The following LRRC37A2 variants were observed in gnomAD, a reference collection of about 807,000 sequenced individuals.
LRRC37A2 encodes the protein leucine-rich repeat-containing protein 37A2.
Under a neutral mutation model 68.8 loss-of-function variants are expected in LRRC37A2, and 9 were observed. That is an observed-to-expected ratio of 0.13 (90% CI 0.08 to 0.23). The LOEUF (loss-of-function observed/expected upper bound fraction) is 0.23. Ranked by LOEUF, LRRC37A2 falls within the 10% of genes least tolerant of loss-of-function variation. The probability of loss-of-function intolerance (pLI) is 1.00; values close to 1 mark genes in which losing one functional copy is unlikely to be tolerated. For synonymous variants in LRRC37A2, 63 were observed against 367.6 expected, an observed-to-expected ratio of 0.17 and a Z score of 9.48; for missense variants, 168 against 950.4, an observed-to-expected ratio of 0.18 and a Z score of 10.82.
chr17:46,758,523 C>T, the LRRC37A2 span, among the ~76,000 whole-genome samples: 1 of 152,120 alleles, frequency 6.6e-6, no homozygotes, highest in East Asian at 1.9e-4. Context: ...TGTTAACCGG[C>T]TATTTTTTTG....
chr17:47,000,063 T>TAAAATAAAATAAATAAAATAAA, the LRRC37A2 span, among the ~76,000 whole-genome samples: 3 of 17,726 alleles, frequency 1.7e-4, no homozygotes, highest in South Asian at 5.7e-3. Flanking sequence ...TAAAATAAAA[T>TAAAATAAAATAAATAAAATAAA]TAAAATAAAA....
chr17:46,784,684 G>A, the LRRC37A2 span, among the ~76,000 whole-genome samples: 1 of 152,036 alleles, frequency 6.6e-6, no homozygotes, highest in Admixed American at 6.6e-5. Flanking sequence ...TCCATATTCC[G>A]GACGAGGTCC....
At chr17:46,747,382 G>A in the LRRC37A2 span, among the ~76,000 whole-genome samples, 5 of 152,270 alleles carry the variant, frequency 3.3e-5, no homozygotes, top group Middle Eastern at 3.4e-3. Context: ...CTTGGCTCAA[G>A]CGATCTGCTC....
chr17:46,888,422 T>C, the LRRC37A2 span, among the ~76,000 whole-genome samples: 1 of 152,174 alleles, frequency 6.6e-6, no homozygotes, highest in African/African-American at 2.4e-5. Context: ...GTTGCTGTCA[T>C]TGGCAGAGGC....
At chr17:47,033,649 T>C in the LRRC37A2 span, among the ~76,000 whole-genome samples, 1 of 152,244 alleles carries the variant, frequency 6.6e-6, no homozygotes, top group Admixed American at 6.5e-5. Context: ...TCCAGTCCTT[T>C]CATCTCTCTC....
At chr17:46,792,625 C>T in the LRRC37A2 span, among the ~76,000 whole-genome samples, 7 of 152,010 alleles carry the variant, frequency 4.6e-5, no homozygotes, top group East Asian at 1.3e-3. Context: ...AGGTGCATGC[C>T]ACCACACCTG....
At chr17:46,598,914 T>A in the LRRC37A2 span, among the ~76,000 whole-genome samples, 5 of 143,092 alleles carry the variant, frequency 3.5e-5, no homozygotes, top group African/African-American at 1.3e-4. Flanking sequence ...TCTGCAGTCT[T>A]ACATGCAGTA....
chr17:46,944,185 G>A, the LRRC37A2 span, among the ~76,000 whole-genome samples: 3 of 152,230 alleles, frequency 2.0e-5, no homozygotes, highest in African/African-American at 7.2e-5. Context: ...CAGAGCCCTG[G>A]CATGTGTCCA....
At chr17:46,502,625 C>T in the LRRC37A2 span, among the ~76,000 whole-genome samples, 1 of 151,328 alleles carries the variant, frequency 6.6e-6, no homozygotes, top group African/African-American at 2.5e-5. Flanking sequence ...TCTACTTTAG[C>T]ACATACACCT....
At chr17:46,759,285 A>G in the LRRC37A2 span, among the ~76,000 whole-genome samples, 6 of 152,208 alleles carry the variant, frequency 3.9e-5, no homozygotes, top group Admixed American at 3.3e-4. Context: ...TTGCAAAATG[A>G]TGTAGAGTTT....
At chr17:46,470,501 AAAC>A in the LRRC37A2 span, among the ~76,000 whole-genome samples, 1 of 78,028 alleles carries the variant, frequency 1.3e-5, no homozygotes, top group Non-Finnish European at 3.5e-5. Flanking sequence ...GAAGGAATTT[AAAC>A]AACAAAAACT....
the LRRC37A2 span, among the ~76,000 whole-genome samples, chr17:46,992,825 CCTG>C: frequency 4.0e-5 from 5 of 123,804 alleles, no homozygotes; most frequent in African/African-American, 1.6e-4. Context: ...TGCACTCCAG[CCTG>C]GGAGACAAGA....
the LRRC37A2 span, among the ~76,000 whole-genome samples, chr17:46,856,954 C>T: frequency 2.6e-5 from 4 of 152,200 alleles, no homozygotes; most frequent in African/African-American, 4.8e-5. Flanking sequence ...TCCACTTCTC[C>T]GCTTTCAGTC....
At chr17:46,822,260 A>G in the LRRC37A2 span, among the ~76,000 whole-genome samples, 8 of 152,314 alleles carry the variant, frequency 5.3e-5, no homozygotes, top group African/African-American at 1.9e-4. Flanking sequence ...GGCCACTGGA[A>G]GGCTGGACAG....
chr17:46,539,768 C>CAAAAAAAAAAAAAAAAAAAAAAAAAAA (rs1204528686), intron 6 of LRRC37A2, among the ~76,000 whole-genome samples: 1 of 67,036 alleles, frequency 1.5e-5, no homozygotes. Flanking sequence ...GACTCCATCT[C>CAAAAAAAAAAAAAAAAAAAAAAAAAAA]AAAAAAAAAA....
chr17:46,835,812 G>T, the LRRC37A2 span, among the ~76,000 whole-genome samples: 3 of 152,136 alleles, frequency 2.0e-5, no homozygotes, highest in Non-Finnish European at 4.4e-5. Flanking sequence ...CGCCCCCTCA[G>T]CCCCCTTCAC....
At chr17:46,980,018 G>A in the LRRC37A2 span, among the ~76,000 whole-genome samples, 7 of 152,120 alleles carry the variant, frequency 4.6e-5, no homozygotes, top group East Asian at 1.2e-3. Context: ...ACTTAACAGC[G>A]TAACTTTCCC....
chr17:46,782,475 C>T, the LRRC37A2 span, among the ~76,000 whole-genome samples: 1 of 152,216 alleles, frequency 6.6e-6, no homozygotes, highest in African/African-American at 2.4e-5. Context: ...CCCAGAAGGG[C>T]TCCACCCTCC....
At chr17:46,774,353 C>T in the LRRC37A2 span, among the ~76,000 whole-genome samples, 1 of 152,104 alleles carries the variant, frequency 6.6e-6, no homozygotes, top group Admixed American at 6.5e-5. Flanking sequence ...ATGGGACACG[C>T]GCGCGCGCGC....
Sources: gnomAD v4.1 joint callset for allele counts (sites outside exome capture counted in the v4.1 genomes callset) on GRCh38, gnomAD v4.1.1 for gene constraint, MANE v1.5 for transcripts, NCBI Gene and HGNC (gene_info 2026-07-23, HGNC 2026-07-21) for gene names.